The following KHDRBS2 variants were observed in gnomAD, a reference collection of about 807,000 sequenced individuals.
KHDRBS2 encodes the protein KH domain-containing, RNA-binding, signal transduction-associated protein 2.
Under a neutral mutation model 44.3 loss-of-function variants are expected in KHDRBS2, and 26 were observed. The observed-to-expected ratio is 0.59, with a 90% confidence interval of 0.43 to 0.81. The LOEUF (loss-of-function observed/expected upper bound fraction) is 0.81. Ranked by LOEUF, KHDRBS2 falls within the 40% of genes least tolerant of loss-of-function variation. KHDRBS2 has a pLI of 0.00. For missense variants in KHDRBS2, 476 were observed against 433.1 expected, an observed-to-expected ratio of 1.10 and a Z score of -0.88; for synonymous variants, 194 against 151.1, an observed-to-expected ratio of 1.28 and a Z score of -2.08.
the KHDRBS2 span, among the ~76,000 whole-genome samples, chr6:61,671,885 T>A: frequency 1.3e-5 from 2 of 151,994 alleles, no homozygotes; most frequent in Middle Eastern, 3.4e-3. Flanking sequence ...TTAGGGTACA[T>A]GTGCACAATG....
chr6:61,870,632 G>A (rs535793213), intron 6 of KHDRBS2, among the ~76,000 whole-genome samples: 56 of 152,168 alleles, frequency 3.7e-4, no homozygotes, highest in Non-Finnish European at 7.1e-4. Flanking sequence ...GATCTCTGGC[G>A]GGCATCTGGC....
At chr6:61,557,828 G>A in the KHDRBS2 span, among the ~76,000 whole-genome samples, 1 of 152,068 alleles carries the variant, frequency 6.6e-6, no homozygotes, top group Admixed American at 6.5e-5. Flanking sequence ...CTTGTCATTG[G>A]TCTGTTGAGG....
chr6:62,280,253 C>G (rs1285614613), intron 1 of KHDRBS2, among the ~76,000 whole-genome samples: 2 of 152,064 alleles, frequency 1.3e-5, no homozygotes, highest in Admixed American at 1.3e-4. Flanking sequence ...CTACGCCTTG[C>G]AGGCAATGGA....
chr6:62,013,822 C>A (rs1780729947), intron 3 of KHDRBS2, among the ~76,000 whole-genome samples: 1 of 152,102 alleles, frequency 6.6e-6, no homozygotes, highest in Admixed American at 6.5e-5. Flanking sequence ...TTTCTGGAAC[C>A]CGATGACATA....
chr6:62,002,724 G>T (rs1052641987), intron 3 of KHDRBS2, among the ~76,000 whole-genome samples: 8 of 151,104 alleles, frequency 5.3e-5, no homozygotes, highest in African/African-American at 1.9e-4. Flanking sequence ...CTCATCTATT[G>T]CATGTTCTTT....
At chr6:61,961,280 A>G (rs924528022) in intron 4 of KHDRBS2, among the ~76,000 whole-genome samples, 6 of 152,158 alleles carry the variant, frequency 3.9e-5, no homozygotes, top group Non-Finnish European at 5.9e-5. Flanking sequence ...AATGGATTGT[A>G]CATTCTAGTA....
intron 2 of KHDRBS2, among the ~76,000 whole-genome samples, chr6:62,170,500 G>A (rs924368581): frequency 2.0e-5 from 3 of 152,104 alleles, no homozygotes; most frequent in East Asian, 1.9e-4. Flanking sequence ...GAAGAACCAC[G>A]CAGGACAGTA....
At chr6:61,864,211 G>A (rs939812210) in intron 6 of KHDRBS2, among the ~76,000 whole-genome samples, 3 of 152,052 alleles carry the variant, frequency 2.0e-5, no homozygotes, top group African/African-American at 7.2e-5. Context: ...ATACTGACAG[G>A]TCTTGGTTCT....
chr6:61,592,188 C>CAA, the KHDRBS2 span, among the ~76,000 whole-genome samples: 958 of 121,214 alleles, frequency 7.9e-3, 1 homozygote, highest in East Asian at 0.014. Context: ...AAGATCCCAC[C>CAA]AAAAAAAAAA....
intron 6 of KHDRBS2, among the ~76,000 whole-genome samples, chr6:61,774,488 C>G (rs1271185156): frequency 2.0e-5 from 3 of 152,104 alleles, no homozygotes; most frequent in Non-Finnish European, 4.4e-5. Flanking sequence ...CACAAGCATT[C>G]TTATATACCA....
chr6:61,642,783 T>A, the KHDRBS2 span, among the ~76,000 whole-genome samples: 1 of 152,180 alleles, frequency 6.6e-6, no homozygotes, highest in African/African-American at 2.4e-5. Context: ...CCAACAAATA[T>A]GTTCTAATCC....
At chr6:61,597,491 T>C in the KHDRBS2 span, among the ~76,000 whole-genome samples, 764 of 151,946 alleles carry the variant, frequency 5.0e-3, 4 homozygotes, top group Middle Eastern at 0.014. Flanking sequence ...TGGAAGTCTC[T>C]TTTAGACCCT....
intron 1 of KHDRBS2, among the ~76,000 whole-genome samples, chr6:62,242,329 A>T (rs1330633909): frequency 6.6e-6 from 1 of 152,134 alleles, no homozygotes; most frequent in East Asian, 1.9e-4. Context: ...CTTTTCTTCC[A>T]CTTACTGAAA....
At chr6:62,268,752 G>C (rs1176826079) in intron 1 of KHDRBS2, among the ~76,000 whole-genome samples, 1 of 151,764 alleles carries the variant, frequency 6.6e-6, no homozygotes, top group Non-Finnish European at 1.5e-5. Context: ...GCAGTGCTTA[G>C]GATTTACTAG....
intron 2 of KHDRBS2, among the ~76,000 whole-genome samples, chr6:62,171,280 A>C (rs1819944916): frequency 6.6e-6 from 1 of 152,140 alleles, no homozygotes; most frequent in African/African-American, 2.4e-5. Context: ...ACAAAAATTT[A>C]ATAATACAAT....
At chr6:62,002,177 A>T (rs1358152128) in intron 3 of KHDRBS2, among the ~76,000 whole-genome samples, 1 of 127,734 alleles carries the variant, frequency 7.8e-6, no homozygotes, top group African/African-American at 2.7e-5. Context: ...AAGCATAATC[A>T]CCACAGTGAT....
chr6:61,928,417 A>G (rs938003616), intron 4 of KHDRBS2, among the ~76,000 whole-genome samples: 1 of 152,242 alleles, frequency 6.6e-6, no homozygotes, highest in Admixed American at 6.5e-5. Context: ...AAATTATAAA[A>G]TCACTGTGTG....
At chr6:61,543,639 G>A in the KHDRBS2 span, among the ~76,000 whole-genome samples, 16 of 152,032 alleles carry the variant, frequency 1.1e-4, 1 homozygote, top group East Asian at 2.9e-3. Flanking sequence ...ATATAGAAGA[G>A]ATATCTACAC....
At chr6:62,070,608 C>T (rs144259799) in intron 2 of KHDRBS2, among the ~76,000 whole-genome samples, 11,951 of 151,882 alleles carry the variant, frequency 0.079, 506 homozygotes, top group African/African-American at 0.095. Flanking sequence ...TTTGTCCTTG[C>T]GACAGTTTGC....
Sources: allele counts gnomAD v4.1 joint callset (sites outside exome capture counted in the v4.1 genomes callset), GRCh38; gene constraint gnomAD v4.1.1; transcripts MANE v1.5; gene names NCBI Gene and HGNC (gene_info 2026-07-23, HGNC 2026-07-21).